Variants in BAIAP2L1 observed in about 807,000 individuals in gnomAD.
The protein encoded by BAIAP2L1 is BAR/IMD domain-containing adapter protein 2-like 1.
A neutral mutation model predicts 66.3 loss-of-function variants in BAIAP2L1; 35 were observed. The observed-to-expected ratio is 0.53, with a 90% CI of 0.40 to 0.70. The LOEUF is 0.70. Ranked by LOEUF, BAIAP2L1 falls within the 30% of genes least tolerant of loss-of-function variation. The pLI is 0.00. For missense variants in BAIAP2L1, 622 were observed against 656.9 expected, an observed-to-expected ratio of 0.95 and a Z score of 0.58; for synonymous variants, 269 against 248.7, an observed-to-expected ratio of 1.08 and a Z score of -0.77.
At chr7:98,295,807 G>A (rs1800165303) in intron 12 of BAIAP2L1, among the ~76,000 whole-genome samples, 1 of 152,086 alleles carries the variant, frequency 6.6e-6, no homozygotes, top group Admixed American at 6.5e-5. Context: ...GGGCCCCCAC[G>A]GGACTTTAAA....
In BAIAP2L1 at chr7:98,398,380, C is replaced by T. The variant is rs570552353; in HGVS notation, c.51+2422G>A. Among the ~76,000 whole-genome samples the T allele has an allele frequency of 2.6e-5, 4 of 152,124 alleles. No individual in the cohort carries two copies. The South Asian group carries it at 8.3e-4, about 31-fold the overall frequency. The stretch of plus-strand genomic sequence containing the variant: ...TCCTGAATTAAAATTTCACTTTGCA[C>T]TGCCAAAGCCAAAGCATGGGCTAGC... On this transcript the variant is annotated intron_variant, in intron 1 of 13. Coordinates refer to ENST00000005260, the MANE Select transcript of BAIAP2L1 (RefSeq NM_018842.5).
Position 98,338,921 on chromosome 7 carries a change from A to G in BAIAP2L1, c.214+16121T>C, listed in dbSNP as rs1327037790. 2.0e-5 allele frequency among the ~76,000 whole-genome samples: 3 copies of G among 151,964 alleles called. No homozygotes were observed. In the East Asian group the frequency reaches 5.8e-4, roughly 29 times the overall value. On this transcript the variant is annotated intron_variant, in intron 3 of 13. Transcript: ENST00000005260. ...AAACACCGTCTCTACTAAAAATACA[A>G]AATTAGCTGAGTGTGGTAGCGCATG... is the stretch of plus-strand genomic sequence containing the variant.
At chr7:98,300,575 G>A (rs560796638) in intron 12 of BAIAP2L1, among the ~76,000 whole-genome samples, 22 of 152,312 alleles carry the variant, frequency 1.4e-4, no homozygotes, top group South Asian at 6.2e-4. Flanking sequence ...CTAACCTGCC[G>A]TGGGCCTTGG....
rs368226903 is a variant in BAIAP2L1 at position 98,292,684 on chromosome 7, T to TAC, written c.*835_*836dup. 2.5e-4 allele frequency: 391 copies of TAC among 1,551,674 alleles called. 1 individual carries two copies. The African/African-American group carries it at 4.6e-3, about 18-fold the overall frequency. On this transcript the variant is annotated 3_prime_UTR_variant, in exon 14 of 14. Transcript: ENST00000005260. ...TTTACACGTATCCTTTGAGAGTCTGTACCTGATTCAAACACGGAGAAACCA... is the reference window on the plus strand; with the variant it reads ...TTTACACGTATCCTTTGAGAGTCTGTACACCTGATTCAAACACGGAGAAACCA...
intron 2 of BAIAP2L1, among the ~76,000 whole-genome samples, chr7:98,360,747 G>A (rs1054184988): frequency 7.2e-5 from 11 of 152,172 alleles, no homozygotes; most frequent in Non-Finnish European, 1.0e-4. Flanking sequence ...AATCTTCGAG[G>A]GAGAGTCAGC....
intron 3 of BAIAP2L1, among the ~76,000 whole-genome samples, chr7:98,328,355 G>A (rs1388779601): frequency 6.6e-6 from 1 of 152,206 alleles, no homozygotes; most frequent in Admixed American, 6.5e-5. Flanking sequence ...TCCGCAGGAA[G>A]ATGCAATGAC....
At position 98,400,844 on chromosome 7, in the gene BAIAP2L1, C is replaced by T. The variant is rs1434778875; in HGVS notation, c.9G>A (p.Arg3=). 5 of 1,544,742 alleles carry T rather than the reference C, an allele frequency of 3.2e-6. No individual in the cohort carries two copies. In the Admixed American group the frequency reaches 9.8e-5, roughly 30 times the overall value. Residue 3 remains arginine, a synonymous_variant, in exon 1 of 14, where the codon CGG becomes CGA. Coordinates refer to ENST00000005260, the MANE Select transcript of BAIAP2L1 (RefSeq NM_018842.5). MS[R]GPEEVNRLTE... is the part of the protein sequence containing the mutation. Reference sequence around the variant, plus strand: ...TGAGCCGGTTCACCTCCTCGGGCCCCCGGGACATGGCTGCGGCCGCCGGGC... The same window carrying T: ...TGAGCCGGTTCACCTCCTCGGGCCCTCGGGACATGGCTGCGGCCGCCGGGC...
chr7:98,377,038 A>G (rs1802649244), intron 1 of BAIAP2L1, among the ~76,000 whole-genome samples: 1 of 152,208 alleles, frequency 6.6e-6, no homozygotes, highest in Non-Finnish European at 1.5e-5. Flanking sequence ...TTCCCTAAGG[A>G]AGAAGATATT....
intron 1 of BAIAP2L1, among the ~76,000 whole-genome samples, chr7:98,385,022 A>C (rs373065405): frequency 1.1e-4 from 17 of 152,088 alleles, no homozygotes; most frequent in East Asian, 7.7e-4. Context: ...TTAAAATCGC[A>C]GCTGGGTGGG....
At chr7:98,294,024 A>T in intron 13 of BAIAP2L1, 50 bp downstream of exon 13, 1 of 1,598,214 alleles carries the variant, frequency 6.3e-7, no homozygotes, top group Non-Finnish European at 8.6e-7. Flanking sequence ...GGGACACTAC[A>T]GGGAAGAGCA....
At chr7:98,393,775 G>A (rs1408543359) in intron 1 of BAIAP2L1, among the ~76,000 whole-genome samples, 2 of 145,806 alleles carry the variant, frequency 1.4e-5, no homozygotes, top group Non-Finnish European at 3.0e-5. Flanking sequence ...GTGAGCCACC[G>A]CGCCTGGTTT....
chr7:98,400,796 G>C lies in BAIAP2L1; in HGVS notation c.51+6C>G. 6.5e-7 allele frequency: 1 copy of C among 1,549,150 alleles called. No homozygotes were observed. The highest frequency in any genetic ancestry group is 8.7e-7 in the Non-Finnish European group (1 of 1,146,268). On this transcript the variant is annotated splice_donor_region_variant and intron_variant, in intron 1 of 13. Coordinates refer to ENST00000005260, the MANE Select transcript of BAIAP2L1 (RefSeq NM_018842.5). ...GACCTCCCTGAGCCCCGGGCCCTGG[G>C]CTTACCCGGTAGGTGCTCTCCGTGA...
chr7:98,296,208 G>A (rs1800184704), intron 12 of BAIAP2L1, among the ~76,000 whole-genome samples: 1 of 152,254 alleles, frequency 6.6e-6, no homozygotes, highest in Non-Finnish European at 1.5e-5. Context: ...GATGGTCACG[G>A]AGGTGGGCCA....
At chr7:98,363,606 C>A (rs1448198493) in intron 1 of BAIAP2L1, among the ~76,000 whole-genome samples, 1 of 152,158 alleles carries the variant, frequency 6.6e-6, no homozygotes, top group Non-Finnish European at 1.5e-5. Flanking sequence ...GAAGTACAGA[C>A]AATAAGTCAT....
intron 3 of BAIAP2L1, among the ~76,000 whole-genome samples, chr7:98,339,438 G>A (rs1210541488): frequency 6.6e-6 from 1 of 152,196 alleles, no homozygotes. Flanking sequence ...ACTCGGAAGA[G>A]GAAAGAGTAC....
At chr7:98,356,200 T>C (rs1292906249) in intron 2 of BAIAP2L1, among the ~76,000 whole-genome samples, 1 of 152,190 alleles carries the variant, frequency 6.6e-6, no homozygotes, top group East Asian at 1.9e-4. Context: ...GCCCTAAGAA[T>C]GTGAGTGACA....
chr7:98,300,718 T>G (rs1325752215), intron 12 of BAIAP2L1, among the ~76,000 whole-genome samples: 1 of 151,620 alleles, frequency 6.6e-6, no homozygotes, highest in Non-Finnish European at 1.5e-5. Flanking sequence ...GGTGTGAAGG[T>G]ACGAAAGACA....
At chr7:98,371,153 C>T (rs962936973) in intron 1 of BAIAP2L1, among the ~76,000 whole-genome samples, 4 of 152,060 alleles carry the variant, frequency 2.6e-5, no homozygotes, top group African/African-American at 9.7e-5. Context: ...CCAAGTGAAT[C>T]TTAACAAAGT....
intron 3 of BAIAP2L1, among the ~76,000 whole-genome samples, chr7:98,343,839 T>A (rs1226760928): frequency 1.3e-5 from 2 of 152,170 alleles, no homozygotes; most frequent in Non-Finnish European, 2.9e-5. Context: ...TGCTACTGTA[T>A]CCTGAATGTA....
Sources: allele counts gnomAD v4.1 joint callset (sites outside exome capture counted in the v4.1 genomes callset), GRCh38; gene constraint gnomAD v4.1.1; transcripts MANE v1.5; gene names NCBI Gene and HGNC (gene_info 2026-07-23, HGNC 2026-07-21).